Variants in MEIS1 observed in about 807,000 individuals in gnomAD.
The protein encoded by MEIS1 is homeobox protein Meis1.
A neutral mutation model predicts 50.8 loss-of-function variants in MEIS1; 5 were observed. The observed-to-expected ratio is 0.10, with a 90% CI of 0.05 to 0.21. MEIS1 has a LOEUF of 0.21. MEIS1 is among the 10% of genes least tolerant of loss of function. The probability of loss-of-function intolerance (pLI) is 1.00; values close to 1 mark genes in which losing one functional copy is unlikely to be tolerated. For missense variants in MEIS1, 318 were observed against 517.3 expected, an observed-to-expected ratio of 0.61 and a Z score of 3.74; for synonymous variants, 176 against 179.3, an observed-to-expected ratio of 0.98 and a Z score of 0.15.
intron 6 of MEIS1, chr2:66,461,961 G>C: frequency 2.3e-6 from 1 of 434,536 alleles, no homozygotes; most frequent in South Asian, 1.7e-5. Flanking sequence ...AAGCTATGCA[G>C]AATAGAATGT....
intron 6 of MEIS1, among the ~76,000 whole-genome samples, chr2:66,447,981 G>A (rs1373123755): frequency 2.0e-5 from 3 of 152,158 alleles, no homozygotes; most frequent in African/African-American, 4.8e-5. Context: ...CTCCATGGCA[G>A]TAGGTCATTC....
rs766137711 is a variant in MEIS1, at chr2:66,572,072, T to G, written c.*864T>G. On this transcript the variant is annotated 3_prime_UTR_variant, in exon 13 of 13. Transcript: ENST00000272369. ...TGGGGCTTGAATTTGCATGTCTAAT[T>G]CATTTACTCACCATATTTGAATTGG... is the stretch of plus-strand genomic sequence containing the variant. The G allele has an allele frequency of 1.0e-4, 16 of 159,206 alleles. No homozygotes were observed. The highest frequency in any genetic ancestry group is 1.9e-4 in the Non-Finnish European group (14 of 73,618). 9.9% of individuals were successfully genotyped at this position (159,206 alleles called of 1,614,324 possible).
At chr2:66,534,428 A>G (rs753710066) in intron 8 of MEIS1, among the ~76,000 whole-genome samples, 20 of 152,090 alleles carry the variant, frequency 1.3e-4, no homozygotes, top group Non-Finnish European at 2.8e-4. Context: ...CAGCTACTTG[A>G]GAGGCTGAGG....
intron 2 of MEIS1, chr2:66,439,311 G>A: frequency 1.8e-6 from 2 of 1,133,454 alleles, no homozygotes; most frequent in East Asian, 4.6e-5. Context: ...GGGATCCCTA[G>A]GTGCAGCCCG....
intron 11 of MEIS1, 69 bp downstream of exon 11, chr2:66,568,825 G>C (rs766782909): frequency 2.2e-6 from 3 of 1,379,216 alleles, no homozygotes; most frequent in Non-Finnish European, 2.1e-6. Context: ...ATCAACACAG[G>C]TAAATCCGCC....
chr2:66,525,968 T>C (rs1302399280), intron 8 of MEIS1, among the ~76,000 whole-genome samples: 1 of 152,226 alleles, frequency 6.6e-6, no homozygotes, highest in Non-Finnish European at 1.5e-5. Context: ...ACAACACATA[T>C]GTTTGAGGGA....
At chr2:66,567,400 C>A in intron 9 of MEIS1, 53 bp from the exon 10 acceptor site, 1 of 1,555,678 alleles carries the variant, frequency 6.4e-7, no homozygotes, top group Non-Finnish European at 8.8e-7. Context: ...TCTTCCTCAA[C>A]CCCCCCTTTT....
At chr2:66,531,387 A>G (rs1674385906) in intron 8 of MEIS1, among the ~76,000 whole-genome samples, 1 of 152,254 alleles carries the variant, frequency 6.6e-6, no homozygotes, top group Admixed American at 6.5e-5. Context: ...CTCTGTTTAA[A>G]TAGGAAGGAC....
intron 2 of MEIS1, chr2:66,439,290 G>A (rs1276236862): frequency 9.1e-7 from 1 of 1,098,570 alleles, no homozygotes; most frequent in African/African-American, 1.6e-5. Flanking sequence ...CTCTCCGAGG[G>A]CCTTGGGGTT....
chr2:66,522,507 C>T (rs923040445), intron 8 of MEIS1, among the ~76,000 whole-genome samples: 12 of 152,308 alleles, frequency 7.9e-5, no homozygotes, highest in African/African-American at 2.9e-4. Context: ...AGGAGATATA[C>T]GTGTCTGGCT....
intron 6 of MEIS1, among the ~76,000 whole-genome samples, chr2:66,444,084 G>T (rs1010590988): frequency 5.9e-5 from 9 of 152,212 alleles, no homozygotes; most frequent in Non-Finnish European, 1.2e-4. Context: ...TGTAGAGTGA[G>T]TGAGATGAAA....
chr2:66,464,297 C>T, intron 7 of MEIS1, 77 bp downstream of exon 7: 1 of 1,156,724 alleles, frequency 8.6e-7, no homozygotes, highest in Non-Finnish European at 1.3e-6. Flanking sequence ...TAGTGAGTTA[C>T]TAAGTATACA....
In MEIS1 at chr2:66,572,829, A is replaced by G. The variant is rs1474253730; in HGVS notation, c.*1621A>G. 2.0e-5 allele frequency: 3 copies of G among 152,322 alleles called. No individual in the cohort carries two copies. Among genetic ancestry groups the G allele is most frequent in the South Asian group, 2.1e-4 (1 of 4,818 alleles). 9.4% of individuals were successfully genotyped at this position (152,322 alleles called of 1,614,324 possible). A position where few individuals can be genotyped will look rare whatever the true frequency, so the allele number is the denominator to read the frequency against. On this transcript the variant is annotated 3_prime_UTR_variant, in exon 13 of 13. Coordinates refer to ENST00000272369, the MANE Select transcript of MEIS1 (RefSeq NM_002398.3). ...TTTTAAAGATTAATACAGTAAATATAAAAATTAATTTTGGCTCCCTAAGCC... is the reference window on the plus strand; with the variant it reads ...TTTTAAAGATTAATACAGTAAATATGAAAATTAATTTTGGCTCCCTAAGCC...
Position 66,438,273 on chromosome 2 carries a change from C to T in MEIS1, c.239+310C>T, listed in dbSNP as rs574380890. Among the ~76,000 whole-genome samples, 484 of 152,322 alleles carry T rather than the reference C, an allele frequency of 3.2e-3. 2 individuals carry two copies. Among genetic ancestry groups the T allele is most frequent in the African/African-American group, 0.011 (447 of 41,586 alleles). ...ACTCCTTCAGCGGGCTGGAGTCCTCCCTCGCTCGATTTCGCCCGAGAGCGT... is the reference window on the plus strand; with the variant it reads ...ACTCCTTCAGCGGGCTGGAGTCCTCTCTCGCTCGATTTCGCCCGAGAGCGT... On this transcript the variant is annotated intron_variant, in intron 2 of 12. Coordinates refer to ENST00000272369, the MANE Select transcript of MEIS1 (RefSeq NM_002398.3).
At chr2:66,552,466 A>G (rs1419208940) in intron 9 of MEIS1, among the ~76,000 whole-genome samples, 3 of 152,216 alleles carry the variant, frequency 2.0e-5, no homozygotes, top group South Asian at 4.1e-4. Flanking sequence ...TCAAGAGAGC[A>G]TATAAAATTC....
intron 9 of MEIS1, among the ~76,000 whole-genome samples, chr2:66,559,892 A>G (rs1675169060): frequency 6.6e-6 from 1 of 152,014 alleles, no homozygotes. Context: ...CACCTCCTGG[A>G]TTTAAGCAAT....
At chr2:66,461,029 G>A (rs571957865) in intron 6 of MEIS1, among the ~76,000 whole-genome samples, 34 of 152,230 alleles carry the variant, frequency 2.2e-4, no homozygotes, top group African/African-American at 7.9e-4. Flanking sequence ...TGCTTACTCT[G>A]AAATTATATA....
rs1295571268 is a variant in MEIS1 at position 66,535,515 on chromosome 2, C to A, written c.889-12428C>A. Among the ~76,000 whole-genome samples the A allele has an allele frequency of 3.3e-5, 5 of 152,256 alleles. 1 individual carries two copies. Among genetic ancestry groups the A allele is most frequent in the Admixed American group, 2.0e-4 (3 of 15,288 alleles). On this transcript the variant is annotated intron_variant, in intron 8 of 12. Coordinates refer to ENST00000272369, the MANE Select transcript of MEIS1 (RefSeq NM_002398.3). ...ATATTCCATGAACATTTGTGATAAC[C>A]CTGCAGAAATAAGTCCACATCTGTG...
At chr2:66,495,978 A>G (rs1673392775) in intron 7 of MEIS1, 1 of 152,514 alleles carries the variant, frequency 6.6e-6, no homozygotes, top group South Asian at 2.1e-4. Context: ...TACGATTGGT[A>G]TTCGGAGATC....
Sources: allele counts gnomAD v4.1 joint callset (sites outside exome capture counted in the v4.1 genomes callset), GRCh38; gene constraint gnomAD v4.1.1; transcripts MANE v1.5; gene names NCBI Gene and HGNC (gene_info 2026-07-23, HGNC 2026-07-21).